Variants in TRIM24 observed in about 807,000 individuals in gnomAD.
TRIM24 encodes tripartite motif containing 24, also known as transcription intermediary factor 1-alpha.
TRIM24 carries 29 observed loss-of-function variants against 123.9 expected under a neutral mutation model. The ratio of observed to expected loss-of-function variants is 0.23; its 90% confidence interval spans 0.17 to 0.32. TRIM24 has a LOEUF of 0.32. Among genes scored for constraint, TRIM24 ranks in the 10% least tolerant of loss-of-function variants. TRIM24 has a pLI of 1.00. For synonymous variants in TRIM24, 456 were observed against 461.1 expected (o/e 0.99, Z 0.14); for missense variants, 932 against 1,295.3 (o/e 0.72, Z 4.31).
intron 6 of TRIM24, among the ~76,000 whole-genome samples, chr7:138,535,684 A>C (rs1342758180): frequency 6.6e-6 from 1 of 152,074 alleles, no homozygotes; most frequent in Non-Finnish European, 1.5e-5. Context: ...GAATCTGATA[A>C]TTATGTGTCT....
At chr7:138,574,282 A>G (rs1297134127) in intron 12 of TRIM24, among the ~76,000 whole-genome samples, 4 of 152,226 alleles carry the variant, frequency 2.6e-5, no homozygotes, top group Admixed American at 6.5e-5. Context: ...GAATCTTGAC[A>G]TACCTACTCA....
chr7:138,472,597 T>C (rs1000705477), intron 1 of TRIM24, among the ~76,000 whole-genome samples: 2 of 152,152 alleles, frequency 1.3e-5, no homozygotes, highest in African/African-American at 4.8e-5. Context: ...GTAGTGTTAG[T>C]GCAGGTTGTG....
At chr7:138,516,813 GTTT>G (rs77546595) in intron 3 of TRIM24, among the ~76,000 whole-genome samples, 3 of 132,428 alleles carry the variant, frequency 2.3e-5, no homozygotes, top group Admixed American at 7.5e-5. Context: ...AAACCGTTTT[GTTT>G]TTTTTTTTTT....
intron 1 of TRIM24, among the ~76,000 whole-genome samples, chr7:138,503,067 G>T (rs1465646422): frequency 1.1e-4 from 17 of 151,680 alleles, no homozygotes; most frequent in Admixed American, 8.5e-4. Flanking sequence ...CCCAATAGTT[G>T]TTGCAGCAAC....
At chr7:138,488,904 G>T (rs936183673) in intron 1 of TRIM24, among the ~76,000 whole-genome samples, 1 of 152,156 alleles carries the variant, frequency 6.6e-6, no homozygotes, top group Non-Finnish European at 1.5e-5. Context: ...GGATATCCTT[G>T]TTAAACTTCT....
At chr7:138,566,146 T>C (rs1477588342) in intron 9 of TRIM24, among the ~76,000 whole-genome samples, 1 of 152,168 alleles carries the variant, frequency 6.6e-6, no homozygotes, top group Non-Finnish European at 1.5e-5. Context: ...TTATTTCTGC[T>C]TCAGCCTCAT....
intron 13 of TRIM24, among the ~76,000 whole-genome samples, chr7:138,576,859 G>A (rs1797772156): frequency 6.6e-6 from 1 of 152,170 alleles, no homozygotes; most frequent in African/African-American, 2.4e-5. Flanking sequence ...TTAAGCAACT[G>A]CTCTCCTCTT....
intron 1 of TRIM24, among the ~76,000 whole-genome samples, chr7:138,471,928 G>T (rs1795280962): frequency 6.6e-6 from 1 of 152,142 alleles, no homozygotes; most frequent in Non-Finnish European, 1.5e-5. Flanking sequence ...TTGATTATAG[G>T]TGAAGAGTCT....
intron 2 of TRIM24, 36 bp downstream of exon 2, chr7:138,504,444 G>T: frequency 3.2e-6 from 2 of 623,868 alleles, no homozygotes; most frequent in Non-Finnish European, 4.9e-6. Context: ...TTGCCTGCCA[G>T]CTCTTTTTTT....
At chr7:138,466,906 C>G (rs1227447128) in intron 1 of TRIM24, among the ~76,000 whole-genome samples, 2 of 151,970 alleles carry the variant, frequency 1.3e-5, no homozygotes, top group Non-Finnish European at 2.9e-5. Context: ...ACTTTTTAAC[C>G]CAGCATTTTT....
At chr7:138,528,889 A>G (rs1227451605) in intron 5 of TRIM24, among the ~76,000 whole-genome samples, 6 of 147,684 alleles carry the variant, frequency 4.1e-5, no homozygotes, top group African/African-American at 1.5e-4. Flanking sequence ...CTAATTTTAT[A>G]TATATTTTTA....
rs1554445376 is a variant in TRIM24, at chr7:138,578,568, GCA to G, written c.2257-634_2257-633del. Among the ~76,000 whole-genome samples the G allele has an allele frequency of 2.5e-3, 348 of 138,332 alleles. 1 individual carries two copies. Among genetic ancestry groups the G allele is most frequent in the African/African-American group, 8.8e-3 (334 of 38,002 alleles). 90.8% of individuals were successfully genotyped at this position (138,332 alleles called of 152,430 possible). A position where few individuals can be genotyped will look rare whatever the true frequency, so the allele number is the denominator to read the frequency against. On this transcript the variant is annotated intron_variant, in intron 14 of 18. Coordinates refer to ENST00000343526, the MANE Select transcript of TRIM24 (RefSeq NM_015905.3). ...TGTGTGTGTGTGTGTGTGTGTGCGC[GCA>G]CGCACGAATGGAAGCAGGACGGGGT...
intron 7 of TRIM24, among the ~76,000 whole-genome samples, chr7:138,543,372 A>G (rs1018586479): frequency 6.6e-6 from 1 of 152,174 alleles, no homozygotes; most frequent in Non-Finnish European, 1.5e-5. Flanking sequence ...GTAGATAATA[A>G]TTTGCCTGTA....
At chr7:138,515,191 G>T (rs367622117) in intron 2 of TRIM24, 21 bp from the exon 3 acceptor site, 19 of 1,590,608 alleles carry the variant, frequency 1.2e-5, no homozygotes, top group Non-Finnish European at 1.5e-5. Context: ...AAAAATTTAC[G>T]TGCCATGGTT....
At chr7:138,523,465 GC>G (rs1796543420) in intron 4 of TRIM24, among the ~76,000 whole-genome samples, 1 of 152,106 alleles carries the variant, frequency 6.6e-6, no homozygotes, top group Non-Finnish European at 1.5e-5. Context: ...GGCAAAAATA[GC>G]CCCTTTTGGC....
chr7:138,472,811 A>T (rs1795301337), intron 1 of TRIM24, among the ~76,000 whole-genome samples: 1 of 152,206 alleles, frequency 6.6e-6, no homozygotes, highest in South Asian at 2.1e-4. Flanking sequence ...ATCCAGCTGA[A>T]CTAAATGTCA....
intron 6 of TRIM24, among the ~76,000 whole-genome samples, chr7:138,533,339 T>A (rs1796788932): frequency 6.6e-6 from 1 of 152,234 alleles, no homozygotes; most frequent in Admixed American, 6.5e-5. Context: ...TTCAGTATGA[T>A]ATTGACTGTG....
intron 1 of TRIM24, among the ~76,000 whole-genome samples, chr7:138,463,310 G>A (rs886369352): frequency 4.6e-5 from 7 of 151,982 alleles, no homozygotes; most frequent in Non-Finnish European, 7.4e-5. Context: ...AGGCTGGAGT[G>A]CAGTGGCACA....
In TRIM24 at chr7:138,536,699, A is replaced by T. The variant is rs192315029; in HGVS notation, c.997-1958A>T. Among the ~76,000 whole-genome samples, 4 of 152,248 alleles carry T rather than the reference A, an allele frequency of 2.6e-5. No individual in the cohort carries two copies. The East Asian group carries it at 7.8e-4, about 30-fold the overall frequency. ...GAGGAGGTAGTCTGTCCGTTCTGAG[A>T]TCTCAAACTCCGTGCTAGGAGAACC... On this transcript the variant is annotated intron_variant, in intron 6 of 18. Coordinates refer to ENST00000343526, the MANE Select transcript of TRIM24 (RefSeq NM_015905.3).
Sources: allele counts gnomAD v4.1 joint callset (sites outside exome capture counted in the v4.1 genomes callset), GRCh38; gene constraint gnomAD v4.1.1; transcripts MANE v1.5; gene names NCBI Gene and HGNC (gene_info 2026-07-23, HGNC 2026-07-21).